Variants in MAP2K1 observed in about 807,000 individuals in gnomAD.
MAP2K1 encodes the protein mitogen-activated protein kinase kinase 1, also known as dual specificity mitogen-activated protein kinase kinase 1.
MAP2K1 carries 16 observed loss-of-function variants against 46.3 expected under a neutral mutation model. The ratio of observed to expected loss-of-function variants is 0.35; its 90% CI spans 0.23 to 0.52. The LOEUF is 0.52. Ranked by LOEUF, MAP2K1 falls within the 20% of genes least tolerant of loss-of-function variation. The pLI is 0.94. For missense variants in MAP2K1, 263 were observed against 497.1 expected (o/e 0.53, Z 4.48); for synonymous variants, 183 against 185.6 (o/e 0.99, Z 0.11).
intron 5 of MAP2K1, among the ~76,000 whole-genome samples, chr15:66,454,134 A>G (rs1012897831): frequency 6.6e-6 from 1 of 152,342 alleles, no homozygotes; most frequent in South Asian, 2.1e-4. Flanking sequence ...AAGAGGGGGT[A>G]AACCCTACTA....
At chr15:66,388,988 C>T (rs1374222062) in intron 1 of MAP2K1, among the ~76,000 whole-genome samples, 2 of 146,592 alleles carry the variant, frequency 1.4e-5, no homozygotes, top group Admixed American at 1.4e-4. Flanking sequence ...CTAACTGCAG[C>T]CTCTGCCTCC....
intron 9 of MAP2K1, 21 bp from the exon 10 acceptor site, chr15:66,489,697 C>A (rs749632867): frequency 2.5e-6 from 4 of 1,607,248 alleles, no homozygotes; most frequent in Non-Finnish European, 3.4e-6. Context: ...ACAGCTCTTA[C>A]CTTGTCTTTC....
At chr15:66,429,069 C>T (rs1003857572) in intron 1 of MAP2K1, among the ~76,000 whole-genome samples, 20 of 152,102 alleles carry the variant, frequency 1.3e-4, no homozygotes. Flanking sequence ...TGTGAGCCAG[C>T]ATGCCTGGCC....
At position 66,397,972 on chromosome 15, in the gene MAP2K1, C is replaced by G. The variant is rs374726721; in HGVS notation, c.80+10545C>G. Among the ~76,000 whole-genome samples the G allele has an allele frequency of 9.9e-5, 15 of 152,102 alleles. No individual in the cohort carries two copies. In the South Asian group the frequency reaches 1.7e-3, roughly 17 times the overall value. ...CAAAAATTAGCCAGGTGTGGTGGCA[C>G]GTGCCTGTGGTCCTAGCTACTTGGG... On this transcript the variant is annotated intron_variant, in intron 1 of 10. Transcript: ENST00000307102.
chr15:66,452,869 T>A (rs191775219), intron 5 of MAP2K1, among the ~76,000 whole-genome samples: 1 of 152,318 alleles, frequency 6.6e-6, no homozygotes, highest in Non-Finnish European at 1.5e-5. Flanking sequence ...AAAATATAGT[T>A]CTTATGTTTG....
At chr15:66,420,755 GTGTGTATGTGTGTA>G (rs2093436877) in intron 1 of MAP2K1, among the ~76,000 whole-genome samples, 2 of 35,904 alleles carry the variant, frequency 5.6e-5, no homozygotes, top group Admixed American at 3.1e-4. Context: ...GTGTGTGTGT[GTGTGTATGTGTGTA>G]TATATATGTG....
At position 66,418,907 on chromosome 15, in the gene MAP2K1, A is replaced by G. The variant is rs531130241; in HGVS notation, c.81-16120A>G. ...GTGATCCGCCCACCTCAGCCTCTCA[A>G]AGTGCTGGGATTAGAGGTGTGATCC... On this transcript the variant is annotated intron_variant, in intron 1 of 10. Coordinates refer to ENST00000307102, the MANE Select transcript of MAP2K1 (RefSeq NM_002755.4). Among the ~76,000 whole-genome samples, 29 of 149,926 alleles carry G rather than the reference A, an allele frequency of 1.9e-4. No individual in the cohort carries two copies. In the South Asian group the frequency reaches 6.0e-3, roughly 31 times the overall value.
At chr15:66,418,085 A>C (rs2093428644) in intron 1 of MAP2K1, among the ~76,000 whole-genome samples, 1 of 152,248 alleles carries the variant, frequency 6.6e-6, no homozygotes, top group East Asian at 1.9e-4. Flanking sequence ...GAGCGGTCCC[A>C]AGCATAGGAG....
intron 1 of MAP2K1, among the ~76,000 whole-genome samples, chr15:66,424,600 A>G (rs1226193214): frequency 6.6e-6 from 1 of 151,926 alleles, no homozygotes; most frequent in East Asian, 1.9e-4. Context: ...CCTGAGTTGC[A>G]TACATTTATT....
In MAP2K1 at chr15:66,490,649, C is replaced by T; in HGVS notation, c.*34C>T. 1 of 1,552,392 alleles carries T rather than the reference C, an allele frequency of 6.4e-7. No homozygotes were observed. Among genetic ancestry groups the T allele is most frequent in the Non-Finnish European group, 8.9e-7 (1 of 1,123,734 alleles). Reference sequence around the variant, plus strand: ...GAAGCAACAAAGAGCGAGTCCCCTGCCCGGTGGTTTGCCATGTCGCTTTTG... The same window carrying T: ...GAAGCAACAAAGAGCGAGTCCCCTGTCCGGTGGTTTGCCATGTCGCTTTTG... On this transcript the variant is annotated 3_prime_UTR_variant, in exon 11 of 11. Coordinates refer to ENST00000307102, the MANE Select transcript of MAP2K1 (RefSeq NM_002755.4).
At chr15:66,446,002 T>A (rs1325869642) in intron 5 of MAP2K1, among the ~76,000 whole-genome samples, 1 of 152,068 alleles carries the variant, frequency 6.6e-6, no homozygotes, top group Non-Finnish European at 1.5e-5. Context: ...GGCGGGCAGA[T>A]CACCTGAGGT....
At chr15:66,438,537 C>G (rs2093494969) in intron 3 of MAP2K1, among the ~76,000 whole-genome samples, 1 of 152,108 alleles carries the variant, frequency 6.6e-6, no homozygotes, top group South Asian at 2.1e-4. Flanking sequence ...TCTCTTGTGC[C>G]CTTGCCATGT....
At chr15:66,478,006 C>T (rs1334229414) in intron 5 of MAP2K1, among the ~76,000 whole-genome samples, 1 of 152,052 alleles carries the variant, frequency 6.6e-6, no homozygotes, top group Admixed American at 6.6e-5. Context: ...TGGACTCATG[C>T]CTCGGCTGAA....
At chr15:66,485,301 T>G in intron 7 of MAP2K1, 110 bp downstream of exon 7, 2 of 1,071,002 alleles carry the variant, frequency 1.9e-6, no homozygotes, top group Non-Finnish European at 2.7e-6. Flanking sequence ...ACTGATTCTC[T>G]GTCCCTGGAT....
intron 5 of MAP2K1, among the ~76,000 whole-genome samples, chr15:66,474,065 T>C (rs1892701415): frequency 6.6e-6 from 1 of 152,152 alleles, no homozygotes; most frequent in African/African-American, 2.4e-5. Flanking sequence ...CATGTTTAAT[T>C]GTCAGGGTTT....
chr15:66,485,121 T>G lies in MAP2K1; in HGVS notation c.825T>G (p.Phe275Leu), dbSNP rs1375174465. 6.2e-7 allele frequency: 1 copy of G among 1,614,036 alleles called. No homozygotes were observed. Among genetic ancestry groups the G allele is most frequent in the Non-Finnish European group, 8.5e-7 (1 of 1,180,036 alleles). Residue 275 changes from phenylalanine to leucine, a missense_variant, in exon 7 of 11, where the codon TTT becomes TTG. Phe to Leu is a conservative substitution (Grantham distance 22). This residue lies in a region of MAP2K1 where 118 missense variants were observed against 193.0 expected (regional missense o/e 0.61). Transcript: ENST00000307102. ...ATGCCAAGGAGCTGGAGCTGATGTTTGGGTGCCAGGTGGAAGGAGATGCGG... is the reference window on the plus strand; with the variant it reads ...ATGCCAAGGAGCTGGAGCTGATGTTGGGGTGCCAGGTGGAAGGAGATGCGG... The part of the protein sequence containing the change: ...PPDAKELELM[F>L]GCQVEGDAAE...
At chr15:66,464,250 A>G (rs539584724) in intron 5 of MAP2K1, among the ~76,000 whole-genome samples, 2 of 152,284 alleles carry the variant, frequency 1.3e-5, no homozygotes, top group Admixed American at 6.5e-5. Context: ...CATTTTTAGC[A>G]GGTTGTGGTC....
At chr15:66,447,684 C>G (rs1439113114) in intron 5 of MAP2K1, among the ~76,000 whole-genome samples, 1 of 45,928 alleles carries the variant, frequency 2.2e-5, no homozygotes, top group African/African-American at 8.5e-5. Flanking sequence ...GAGACTCTGT[C>G]TCAAAAAAAA....
chr15:66,490,180 A>G, intron 10 of MAP2K1: 1 of 521,254 alleles, frequency 1.9e-6, no homozygotes, highest in South Asian at 2.0e-5. Context: ...GACGGTGTAT[A>G]TAGTATATAA....
Sources: gnomAD v4.1 joint callset for allele counts (sites outside exome capture counted in the v4.1 genomes callset) on GRCh38, gnomAD v4.1.1 for gene constraint, gnomAD v4.1.1 regional missense constraint, MANE v1.5 for transcripts, NCBI Gene and HGNC (gene_info 2026-07-23, HGNC 2026-07-21) for gene names.